STPG4: variants seen among roughly 807,000 people sequenced by gnomAD.
STPG4 encodes the protein protein STPG4.
A neutral mutation model predicts 31.5 loss-of-function variants in STPG4; 41 were observed. The ratio of observed to expected loss-of-function variants is 1.30; its 90% confidence interval spans 1.01 to 1.69. The LOEUF is 1.69. Among genes scored for constraint, STPG4 ranks in the 40% most tolerant of loss-of-function variants. The pLI is 0.00. For synonymous variants in STPG4, 141 were observed against 103.0 expected (o/e 1.37, Z -2.24); for missense variants, 375 against 293.4 (o/e 1.28, Z -2.03).
chr2:47,104,504 T>C (rs1407921098), intron 5 of STPG4, among the ~76,000 whole-genome samples: 1 of 151,992 alleles, frequency 6.6e-6, no homozygotes, highest in Non-Finnish European at 1.5e-5. Flanking sequence ...TGGTTCATGG[T>C]TCTGGACCTC....
intron 6 of STPG4, 38 bp downstream of exon 6, chr2:47,090,232 C>T: frequency 7.0e-7 from 1 of 1,431,676 alleles, no homozygotes; most frequent in Admixed American, 2.0e-5. Flanking sequence ...AACCATACCC[C>T]TAGGGGTGGG....
At chr2:47,132,842 T>C (rs911615943) in intron 3 of STPG4, among the ~76,000 whole-genome samples, 2 of 152,208 alleles carry the variant, frequency 1.3e-5, no homozygotes, top group African/African-American at 4.8e-5. Context: ...AAAAAACCTC[T>C]TAAAGCAGTC....
intron 5 of STPG4, 76 bp downstream of exon 5, chr2:47,129,865 C>G: frequency 6.3e-7 from 1 of 1,580,194 alleles, no homozygotes; most frequent in Non-Finnish European, 8.6e-7. Context: ...ATGTGGCCAC[C>G]TTGCTCCACT....
At position 47,100,592 on chromosome 2, in the gene STPG4, T is replaced by C. The variant is rs555644323; in HGVS notation, c.520-10218A>G. The stretch of plus-strand genomic sequence containing the variant: ...AACCCACTCGAGTCCCCTTCCACAC[T>C]GTGGAAGCTTTGTTCTTTCGCTCTT... On this transcript the variant is annotated intron_variant, in intron 5 of 6. Transcript: ENST00000445927. Among the ~76,000 whole-genome samples, 88 of 151,022 alleles carry C rather than the reference T, an allele frequency of 5.8e-4. 2 individuals are homozygous for C. The highest frequency in any genetic ancestry group is 6.8e-3 in the Middle Eastern group (2 of 294).
At chr2:47,091,132 G>C (rs1448488267) in intron 5 of STPG4, among the ~76,000 whole-genome samples, 3 of 125,786 alleles carry the variant, frequency 2.4e-5, no homozygotes, top group Non-Finnish European at 3.2e-5. Context: ...GGGAGAAAAG[G>C]AAGGAAAGAA....
At chr2:47,111,173 A>T (rs1686028956) in intron 5 of STPG4, among the ~76,000 whole-genome samples, 1 of 152,208 alleles carries the variant, frequency 6.6e-6, no homozygotes, top group African/African-American at 2.4e-5. Flanking sequence ...ATAGACAAGA[A>T]AAGCACTGAG....
At chr2:47,107,505 G>C (rs1685940056) in intron 5 of STPG4, among the ~76,000 whole-genome samples, 1 of 152,184 alleles carries the variant, frequency 6.6e-6, no homozygotes. Context: ...CCGGGTCTTA[G>C]CTGCCTTCCC....
At chr2:47,132,164 GAAA>G (rs56055267) in intron 3 of STPG4, among the ~76,000 whole-genome samples, 1 of 139,296 alleles carries the variant, frequency 7.2e-6, no homozygotes. Context: ...GACTCACTCT[GAAA>G]AAAAAAAAAA....
intron 5 of STPG4, among the ~76,000 whole-genome samples, chr2:47,105,950 G>A (rs112189233): frequency 6.6e-6 from 1 of 151,938 alleles, no homozygotes; most frequent in Admixed American, 6.6e-5. Flanking sequence ...AAAGAGGTGG[G>A]AATCTTACAC....
chr2:47,087,665 G>A (rs1455098545), intron 6 of STPG4, among the ~76,000 whole-genome samples: 2 of 152,230 alleles, frequency 1.3e-5, no homozygotes, highest in African/African-American at 4.8e-5. Flanking sequence ...CCCAGGGTCA[G>A]AAGTGTTCTC....
At chr2:47,093,888 T>C (rs1685621297) in intron 5 of STPG4, among the ~76,000 whole-genome samples, 1 of 152,222 alleles carries the variant, frequency 6.6e-6, no homozygotes, top group Non-Finnish European at 1.5e-5. Context: ...AGACTGCTCA[T>C]GGCCGGGCCC....
chr2:47,111,624 G>C (rs1324495209), intron 5 of STPG4, among the ~76,000 whole-genome samples: 1 of 152,070 alleles, frequency 6.6e-6, no homozygotes, highest in African/African-American at 2.4e-5. Flanking sequence ...GGAGCTAAAA[G>C]TGAATGGTGT....
At chr2:47,136,176 A>G (rs1017588473) in intron 3 of STPG4, among the ~76,000 whole-genome samples, 23 of 151,072 alleles carry the variant, frequency 1.5e-4, no homozygotes, top group African/African-American at 4.4e-4. Context: ...ACAGAGTTTC[A>G]CTCTTGTTGC....
chr2:47,091,453 C>G (rs1294773681), intron 5 of STPG4, among the ~76,000 whole-genome samples: 2 of 152,210 alleles, frequency 1.3e-5, no homozygotes, highest in African/African-American at 4.8e-5. Context: ...CTGGATAATG[C>G]TAACATGATG....
At chr2:47,087,499 G>A (rs9917276) in intron 6 of STPG4, among the ~76,000 whole-genome samples, 27,410 of 152,178 alleles carry the variant, frequency 0.18, 4,312 homozygotes, top group East Asian at 0.64. Context: ...CTTTCCCCCG[G>A]TGACCTCAGC....
At chr2:47,100,983 T>C (rs1242499948) in intron 5 of STPG4, among the ~76,000 whole-genome samples, 1 of 151,918 alleles carries the variant, frequency 6.6e-6, no homozygotes, top group Admixed American at 6.6e-5. Flanking sequence ...GGACACATTT[T>C]GGCGACCCAG....
intron 2 of STPG4, 65 bp from the exon 3 acceptor site, chr2:47,151,580 T>G (rs1686938640): frequency 6.4e-6 from 9 of 1,400,484 alleles, no homozygotes; most frequent in Non-Finnish European, 8.9e-6. Flanking sequence ...AACACCATTC[T>G]TGGATGGGAA....
chr2:47,141,228 C>T (rs1049067961), intron 3 of STPG4, among the ~76,000 whole-genome samples: 5 of 151,728 alleles, frequency 3.3e-5, no homozygotes, highest in Admixed American at 1.3e-4. Context: ...TGTCTCTTCT[C>T]TCTCAGAAGT....
In STPG4 at chr2:47,087,130, T is replaced by C; in HGVS notation, c.625A>G (p.Lys209Glu). ...RVPRFLPSCS[K>E]TPGPGAYTTL... Reference sequence around the variant, plus strand: ...GTATATGCTCCTGGGCCTGGGGTTTTCTGAAAACAGAGCAGAAAACAGGGA... The same window carrying C: ...GTATATGCTCCTGGGCCTGGGGTTTCCTGAAAACAGAGCAGAAAACAGGGA... The change falls in exon 7 of 7, where the codon AAA becomes GAA. Residue 209 changes from lysine to glutamate, a missense_variant and splice_region_variant. Transcript: ENST00000445927. The C allele has an allele frequency of 1.3e-6, 2 of 1,551,682 alleles. No individual in the cohort carries two copies. Among genetic ancestry groups the C allele is most frequent in the Non-Finnish European group, 1.7e-6 (2 of 1,146,978 alleles).
Sources: allele counts gnomAD v4.1 joint callset (sites outside exome capture counted in the v4.1 genomes callset), GRCh38; gene constraint gnomAD v4.1.1; transcripts MANE v1.5; gene names NCBI Gene and HGNC (gene_info 2026-07-23, HGNC 2026-07-21).